The following DMD variants were observed in gnomAD, a reference collection of about 807,000 sequenced individuals.
DMD encodes the protein dystrophin.
Under a neutral mutation model 330.1 loss-of-function variants are expected in DMD, and 63 were observed. That is an observed-to-expected ratio of 0.19 (90% confidence interval 0.16 to 0.24). The LOEUF is 0.24. DMD is among the 10% of genes least tolerant of loss of function. The pLI, the probability that DMD is intolerant of heterozygous loss-of-function variation, is 1.00. For missense variants in DMD, 3,344 were observed against 2,684.1 expected, an observed-to-expected ratio of 1.25 and a Z score of -5.43; for synonymous variants, 1,223 against 959.8, an observed-to-expected ratio of 1.27 and a Z score of -5.07.
chrX:32,669,462 T>C (rs1467437237), intron 9 of DMD, among the ~76,000 whole-genome samples: 1 of 111,958 alleles, frequency 8.9e-6, no homozygotes, highest in Admixed American at 9.5e-5. Flanking sequence ...TACAGATAGA[T>C]AGATCGATCA....
intron 64 of DMD, among the ~76,000 whole-genome samples, chrX:31,215,773 G>A (rs575409033): frequency 8.9e-6 from 1 of 112,221 alleles, no homozygotes; most frequent in Non-Finnish European, 1.9e-5. Context: ...CCATTACTCC[G>A]TGTGGAAAGC....
chrX:32,360,820 A>T (rs2097830183), intron 37 of DMD, among the ~76,000 whole-genome samples: 1 of 108,144 alleles, frequency 9.2e-6, no homozygotes, highest in Non-Finnish European at 1.9e-5. Flanking sequence ...AATAATAATA[A>T]TAATAATAAA....
chrX:33,052,397 A>T (rs1874603523), intron 1 of DMD, among the ~76,000 whole-genome samples: 1 of 112,177 alleles, frequency 8.9e-6, no homozygotes, highest in Non-Finnish European at 1.9e-5. Context: ...TTAGCTATTG[A>T]TGCCAAGCTC....
chrX:31,269,240 A>G (rs11797992), intron 62 of DMD, among the ~76,000 whole-genome samples: 5,924 of 111,848 alleles, frequency 0.053, 132 homozygotes, highest in Non-Finnish European at 0.074. Flanking sequence ...TTGGAAAAGA[A>G]CATAATTGAT....
intron 17 of DMD, among the ~76,000 whole-genome samples, chrX:32,524,057 C>G (rs952787871): frequency 1.5e-4 from 16 of 108,430 alleles, no homozygotes; most frequent in African/African-American, 4.7e-4. Context: ...CTCAGCCTCC[C>G]GAGTAGCTGG....
intron 12 of DMD, among the ~76,000 whole-genome samples, chrX:32,613,220 G>A (rs1301203071): frequency 1.8e-5 from 2 of 111,438 alleles, no homozygotes; most frequent in African/African-American, 6.5e-5. Context: ...TTACATTTAA[G>A]TAGGCTTCTT....
chrX:33,021,303 T>G (rs913459490), intron 1 of DMD, among the ~76,000 whole-genome samples: 5 of 110,941 alleles, frequency 4.5e-5, no homozygotes, highest in Non-Finnish European at 7.5e-5. Flanking sequence ...AAATTAGTAT[T>G]AAGTCAAATG....
At chrX:32,564,144 A>C (rs1055198921) in intron 16 of DMD, among the ~76,000 whole-genome samples, 5 of 111,308 alleles carry the variant, frequency 4.5e-5, no homozygotes, top group African/African-American at 1.3e-4. Context: ...TTCTGAGCAA[A>C]ATGTTTAGGA....
chrX:31,336,447 G>A (rs2057408586), intron 61 of DMD, among the ~76,000 whole-genome samples: 1 of 112,136 alleles, frequency 8.9e-6, no homozygotes, highest in African/African-American at 3.2e-5. Flanking sequence ...TTGTATTCTA[G>A]GACAGATGAC....
At chrX:32,936,113 C>CT (rs71706010) in intron 2 of DMD, among the ~76,000 whole-genome samples, 2,572 of 102,431 alleles carry the variant, frequency 0.025, 44 homozygotes, top group South Asian at 0.05. Context: ...ACTTGTATCT[C>CT]TTTTTTTTTT....
chrX:32,736,679 C>T (rs1042985910), intron 7 of DMD, among the ~76,000 whole-genome samples: 39 of 106,090 alleles, frequency 3.7e-4, no homozygotes, highest in African/African-American at 1.3e-3. Context: ...AAAAACCAAA[C>T]ACCACATATT....
At chrX:31,554,841 A>G (rs1232570451) in intron 55 of DMD, among the ~76,000 whole-genome samples, 1 of 112,054 alleles carries the variant, frequency 8.9e-6, no homozygotes, top group Non-Finnish European at 1.9e-5. Flanking sequence ...TTGAAATACC[A>G]TATGGCAAAG....
At chrX:33,269,530 A>C (rs2053115157) in intron 1 of DMD, among the ~76,000 whole-genome samples, 1 of 111,333 alleles carries the variant, frequency 9.0e-6, no homozygotes, top group African/African-American at 3.3e-5. Flanking sequence ...ACAAATCTGC[A>C]TGTGTACTCC....
chrX:32,182,576 C>T (rs913896857), intron 44 of DMD, among the ~76,000 whole-genome samples: 7 of 111,385 alleles, frequency 6.3e-5, no homozygotes, highest in Non-Finnish European at 1.3e-4. Context: ...ACATACATGG[C>T]ATCAATTGTT....
chrX:32,777,102 C>A (rs914330616), intron 7 of DMD, among the ~76,000 whole-genome samples: 2 of 107,522 alleles, frequency 1.9e-5, no homozygotes, highest in African/African-American at 6.8e-5. Flanking sequence ...ATGCAACACG[C>A]TCCACAATTA....
intron 1 of DMD, among the ~76,000 whole-genome samples, chrX:33,058,229 TCTG>T (rs2094541210): frequency 9.0e-6 from 1 of 111,454 alleles, no homozygotes; most frequent in Admixed American, 9.6e-5. Flanking sequence ...TATATCAGGT[TCTG>T]CTATTATGCA....
chrX:31,636,701 C>A (rs935438869), intron 54 of DMD, among the ~76,000 whole-genome samples: 1 of 111,326 alleles, frequency 9.0e-6, no homozygotes. Flanking sequence ...CCTTTGTTTT[C>A]TGTTATTATT....
intron 2 of DMD, among the ~76,000 whole-genome samples, chrX:33,017,601 A>T (rs1353482483): frequency 1.8e-5 from 2 of 111,359 alleles, no homozygotes; most frequent in Admixed American, 1.9e-4. Flanking sequence ...TGTACTACTG[A>T]CCTAGTATAT....
chrX:32,456,903 T>A (rs2098361680), intron 25 of DMD, among the ~76,000 whole-genome samples: 1 of 103,769 alleles, frequency 9.6e-6, no homozygotes, highest in Non-Finnish European at 2.0e-5. Context: ...TGTGGAGGTG[T>A]TGAGTGGGCA....
Sources: gnomAD v4.1 joint callset for allele counts (sites outside exome capture counted in the v4.1 genomes callset) on GRCh38, gnomAD v4.1.1 for gene constraint, MANE v1.5 for transcripts, NCBI Gene and HGNC (gene_info 2026-07-23, HGNC 2026-07-21) for gene names.